TTC28: variants seen among roughly 807,000 people sequenced by gnomAD.
TTC28 encodes tetratricopeptide repeat protein 28.
In TTC28, 61 loss-of-function variants were observed where a neutral mutation model predicts 198.0. The observed-to-expected ratio is 0.31, with a 90% confidence interval of 0.25 to 0.38. TTC28 has a LOEUF of 0.38. Ranked by LOEUF, TTC28 falls within the 10% of genes least tolerant of loss-of-function variation. The probability of loss-of-function intolerance (pLI) is 1.00; values close to 1 mark genes in which losing one functional copy is unlikely to be tolerated. For synonymous variants in TTC28, 1,171 were observed against 1,297.8 expected, an observed-to-expected ratio of 0.90 and a Z score of 2.10; for missense variants, 2,678 against 3,164.0, an observed-to-expected ratio of 0.85 and a Z score of 3.69.
At chr22:28,560,949 G>A (rs1468538211) in intron 2 of TTC28, among the ~76,000 whole-genome samples, 3 of 151,340 alleles carry the variant, frequency 2.0e-5, no homozygotes, top group African/African-American at 4.9e-5. Flanking sequence ...TAGAGATAGG[G>A]TTTCACCATG....
chr22:28,623,467 G>C (rs2051031957), intron 2 of TTC28, among the ~76,000 whole-genome samples: 1 of 152,042 alleles, frequency 6.6e-6, no homozygotes, highest in African/African-American at 2.4e-5. Flanking sequence ...CTTCATTCCA[G>C]CAATGAAGAC....
rs550411739 is a variant in TTC28 at position 28,566,775 on chromosome 22, G to A, written c.381+62777C>T. ...GAAAGCAAAAATAAACTCAATAAAA[G>A]GACTGGAAGATAAAACAGAAAATAT... On this transcript the variant is annotated intron_variant, in intron 2 of 22. Coordinates refer to ENST00000397906, the MANE Select transcript of TTC28 (RefSeq NM_001145418.2). 1.1e-4 allele frequency among the ~76,000 whole-genome samples: 17 copies of A among 152,226 alleles called. No homozygotes were observed. In the South Asian group the frequency reaches 3.3e-3, roughly 30 times the overall value.
intron 5 of TTC28, among the ~76,000 whole-genome samples, chr22:28,186,021 T>C (rs1924162082): frequency 6.6e-6 from 1 of 152,202 alleles, no homozygotes; most frequent in Non-Finnish European, 1.5e-5. Context: ...TTAGCTCTAT[T>C]TACAATTAAG....
At chr22:28,069,773 C>A (rs1940892756) in intron 12 of TTC28, among the ~76,000 whole-genome samples, 1 of 152,082 alleles carries the variant, frequency 6.6e-6, no homozygotes, top group Non-Finnish European at 1.5e-5. Flanking sequence ...TTCTAACATT[C>A]AAAAACACCA....
chr22:28,107,275 A>G lies in TTC28; in HGVS notation c.2570T>C (p.Phe857Ser). Residue 857 changes from phenylalanine to serine, a missense_variant, in exon 7 of 23, where the codon TTT becomes TCT. Around this residue, in one of 8 missense-constraint regions of TTC28, gnomAD observed 775 missense variants for 845.9 expected, o/e 0.92. Coordinates refer to ENST00000397906, the MANE Select transcript of TTC28 (RefSeq NM_001145418.2). ...MNVMEEAIGY[F>S]EQQLAMLQQL... is the part of the protein sequence containing the mutation. The stretch of plus-strand genomic sequence containing the variant: ...CTGCAGCATGGCCAATTGCTGCTCA[A>G]AGTAGCCAATGGCTTCTTCCATCAC... The G allele has an allele frequency of 6.4e-7, 1 of 1,551,808 alleles. No homozygotes were observed.
At chr22:28,086,571 A>G (rs1459093509) in intron 12 of TTC28, among the ~76,000 whole-genome samples, 1 of 152,196 alleles carries the variant, frequency 6.6e-6, no homozygotes, top group Non-Finnish European at 1.5e-5. Flanking sequence ...GGAAAGATCC[A>G]AAATTGACAC....
intron 6 of TTC28, among the ~76,000 whole-genome samples, chr22:28,127,650 G>A (rs1409501261): frequency 6.6e-6 from 1 of 152,042 alleles, no homozygotes; most frequent in African/African-American, 2.4e-5. Context: ...TTTATATACT[G>A]GGTTAATAAA....
At chr22:28,413,275 A>C (rs2047112957) in intron 2 of TTC28, among the ~76,000 whole-genome samples, 1 of 151,660 alleles carries the variant, frequency 6.6e-6, no homozygotes, top group African/African-American at 2.4e-5. Context: ...CTCTACTAAA[A>C]ATACAAAAAA....
rs9625512 is a variant in TTC28, at chr22:28,624,768, G to A, written c.381+4784C>T. 5.6e-4 allele frequency among the ~76,000 whole-genome samples: 85 copies of A among 151,256 alleles called. 1 individual carries two copies. The highest frequency in any genetic ancestry group is 1.5e-3 in the Admixed American group (23 of 15,198). Reference sequence around the variant, plus strand: ...GACAGAATCACTTCGATACCAAAACGAAACAAATACATCATGAGAAAAAAA... The same window carrying A: ...GACAGAATCACTTCGATACCAAAACAAAACAAATACATCATGAGAAAAAAA... On this transcript the variant is annotated intron_variant, in intron 2 of 22. Transcript: ENST00000397906.
intron 2 of TTC28, among the ~76,000 whole-genome samples, chr22:28,388,188 T>C (rs1291693691): frequency 1.3e-5 from 2 of 152,246 alleles, no homozygotes; most frequent in East Asian, 1.9e-4. Flanking sequence ...GGCTCTATTC[T>C]GTTCCATTGA....
chr22:27,985,714 G>A (rs1937186963), intron 21 of TTC28: 2 of 175,584 alleles, frequency 1.1e-5, no homozygotes, highest in South Asian at 3.0e-4. Flanking sequence ...TATAAAGACT[G>A]TCCAGGACAA....
intron 2 of TTC28, among the ~76,000 whole-genome samples, chr22:28,504,046 G>C (rs551845026): frequency 6.6e-6 from 1 of 152,202 alleles, no homozygotes; most frequent in Admixed American, 6.5e-5. Context: ...TGTTATATTT[G>C]CTACATTTAC....
chr22:28,274,728 C>A (rs1426338874), intron 5 of TTC28, among the ~76,000 whole-genome samples: 1 of 152,126 alleles, frequency 6.6e-6, no homozygotes, highest in Non-Finnish European at 1.5e-5. Context: ...CGCCTGTAAT[C>A]CCAGCACTTT....
chr22:28,011,828 C>G lies in TTC28; in HGVS notation c.4218+2420G>C, dbSNP rs144857488. On this transcript the variant is annotated intron_variant, in intron 14 of 22. Transcript: ENST00000397906. ...AGAGATGAGAGGAGCCTGCCAGCGC[C>G]AGATGACCTGAGCCTCATGGGGGCA... Among the ~76,000 whole-genome samples, 992 of 152,292 alleles carry G rather than the reference C, an allele frequency of 6.5e-3. 7 individuals carry two copies. Among genetic ancestry groups the G allele is most frequent in the Middle Eastern group, 0.014 (4 of 294 alleles).
At chr22:28,304,704 G>A (rs1286822444) in intron 3 of TTC28, among the ~76,000 whole-genome samples, 2 of 152,186 alleles carry the variant, frequency 1.3e-5, no homozygotes, top group Non-Finnish European at 2.9e-5. Flanking sequence ...AAAATGGTAA[G>A]TATGATTCTA....
intron 2 of TTC28, among the ~76,000 whole-genome samples, chr22:28,592,532 A>C (rs1222515991): frequency 6.6e-6 from 1 of 152,134 alleles, no homozygotes; most frequent in East Asian, 1.9e-4. Flanking sequence ...AGTTGATTTG[A>C]TAAACTTCTC....
chr22:28,387,166 C>A (rs539873171), intron 2 of TTC28, among the ~76,000 whole-genome samples: 20 of 152,180 alleles, frequency 1.3e-4, no homozygotes, highest in Non-Finnish European at 2.8e-4. Flanking sequence ...CTACAAAGGA[C>A]GTGAACTCAT....
chr22:28,226,153 T>C (rs933071001), intron 5 of TTC28, among the ~76,000 whole-genome samples: 1 of 152,130 alleles, frequency 6.6e-6, no homozygotes, highest in African/African-American at 2.4e-5. Flanking sequence ...CTAGTGTAAA[T>C]TTGTAGGAGT....
At chr22:28,200,950 G>A (rs1237336554) in intron 5 of TTC28, among the ~76,000 whole-genome samples, 2 of 152,120 alleles carry the variant, frequency 1.3e-5, no homozygotes, top group African/African-American at 2.4e-5. Context: ...TACATTTCTT[G>A]GGAAATCTCT....
Sources: allele counts gnomAD v4.1 joint callset (sites outside exome capture counted in the v4.1 genomes callset), GRCh38; gene constraint gnomAD v4.1.1; regional missense constraint gnomAD v4.1.1; transcripts MANE v1.5; gene names NCBI Gene and HGNC (gene_info 2026-07-23, HGNC 2026-07-21).